The following MTA3 variants were observed in gnomAD, a reference collection of about 807,000 sequenced individuals.
MTA3 encodes metastasis associated 1 family member 3, also known as metastasis-associated protein MTA3.
In MTA3, 34 loss-of-function variants were observed where a neutral mutation model predicts 83.5. The observed-to-expected ratio is 0.41, with a 90% confidence interval of 0.31 to 0.54. MTA3 has a LOEUF of 0.54. Among genes scored for constraint, MTA3 ranks in the 20% least tolerant of loss-of-function variants. The pLI is 0.33. For missense variants in MTA3, 761 were observed against 726.4 expected, an observed-to-expected ratio of 1.05 and a Z score of -0.55; for synonymous variants, 303 against 252.7, an observed-to-expected ratio of 1.20 and a Z score of -1.89.
intron 3 of MTA3, among the ~76,000 whole-genome samples, chr2:42,605,017 C>A (rs1373967016): frequency 6.6e-6 from 1 of 150,686 alleles, no homozygotes; most frequent in African/African-American, 2.4e-5. Context: ...TCCGATTTCT[C>A]AATCTTTTCC....
chr2:42,518,056 G>A (rs900147778), intron 2 of MTA3, among the ~76,000 whole-genome samples: 3 of 150,956 alleles, frequency 2.0e-5, no homozygotes, highest in African/African-American at 7.3e-5. Flanking sequence ...TGTGGTGGCA[G>A]GCACCTCCCA....
Position 42,708,194 on chromosome 2 carries a change from G to T in MTA3, c.1302+140G>T, listed in dbSNP as rs1666265268. On this transcript the variant is annotated intron_variant, in intron 13 of 16. Coordinates refer to ENST00000405094, the MANE Select transcript of MTA3 (RefSeq NM_001330442.2). ...GCTAAACGTAGCACTACAATATTCA[G>T]GGTAGGTGTGGAGAGAAGCAGAGAG... 4.7e-6 allele frequency: 4 copies of T among 853,128 alleles called. No homozygotes were observed. The East Asian group carries it at 1.2e-4, about 25-fold the overall frequency. 52.8% of individuals were successfully genotyped at this position (853,128 alleles called of 1,614,324 possible).
At chr2:42,525,959 C>G (rs960223239) in intron 2 of MTA3, among the ~76,000 whole-genome samples, 1 of 151,836 alleles carries the variant, frequency 6.6e-6, no homozygotes, top group African/African-American at 2.4e-5. Flanking sequence ...CGCGCCTGCC[C>G]TAGCACTTCA....
chr2:42,631,926 G>T (rs1207522642), intron 4 of MTA3, among the ~76,000 whole-genome samples: 1 of 151,984 alleles, frequency 6.6e-6, no homozygotes, highest in Admixed American at 6.6e-5. Flanking sequence ...CTGACCTCAG[G>T]TGACCCACCC....
At chr2:42,513,550 G>C (rs753688099) in intron 2 of MTA3, among the ~76,000 whole-genome samples, 1 of 152,158 alleles carries the variant, frequency 6.6e-6, no homozygotes, top group Non-Finnish European at 1.5e-5. Context: ...TAAACCTAGC[G>C]AGAGACCCAG....
intron 2 of MTA3, among the ~76,000 whole-genome samples, chr2:42,552,817 G>T (rs1677178740): frequency 6.6e-6 from 1 of 151,986 alleles, no homozygotes; most frequent in Non-Finnish European, 1.5e-5. Context: ...AGGTGTGGCG[G>T]CACATGCCTG....
At chr2:42,609,960 C>T (rs765170124) in intron 4 of MTA3, among the ~76,000 whole-genome samples, 2 of 152,038 alleles carry the variant, frequency 1.3e-5, no homozygotes, top group Admixed American at 6.6e-5. Flanking sequence ...ATTAGCTGGG[C>T]GTGGTGGTAT....
At chr2:42,518,138 A>G (rs537657645) in intron 2 of MTA3, among the ~76,000 whole-genome samples, 26 of 151,526 alleles carry the variant, frequency 1.7e-4, no homozygotes, top group South Asian at 4.2e-4. Flanking sequence ...CCGAGATCGC[A>G]CCATTGCACT....
intron 16 of MTA3, among the ~76,000 whole-genome samples, chr2:42,730,302 G>C (rs777887641): frequency 6.6e-6 from 1 of 152,058 alleles, no homozygotes; most frequent in Non-Finnish European, 1.5e-5. Context: ...TTAAATCTTA[G>C]AGGAAAGGCT....
chr2:42,609,323 C>T, intron 3 of MTA3, 135 bp from the exon 4 acceptor site: 1 of 975,794 alleles, frequency 1.0e-6, no homozygotes, highest in Admixed American at 2.6e-5. Context: ...TGAGCCACTG[C>T]ACCTGGCAAA....
At chr2:42,725,311 G>C (rs1667731267) in intron 16 of MTA3, among the ~76,000 whole-genome samples, 1 of 152,158 alleles carries the variant, frequency 6.6e-6, no homozygotes, top group Admixed American at 6.5e-5. Flanking sequence ...AAAGTTACCA[G>C]GCACTACAGA....
intron 13 of MTA3, among the ~76,000 whole-genome samples, chr2:42,708,537 C>T (rs902861816): frequency 6.6e-6 from 1 of 152,000 alleles, no homozygotes; most frequent in African/African-American, 2.4e-5. Context: ...TACCAGTGGG[C>T]GACTACCCTT....
chr2:42,733,124 G>C (rs929622955), intron 16 of MTA3, among the ~76,000 whole-genome samples: 2 of 152,148 alleles, frequency 1.3e-5, no homozygotes, highest in African/African-American at 4.8e-5. Flanking sequence ...CCACTCTGCT[G>C]GTACCAATGT....
At chr2:42,658,937 A>G (rs1423135259) in intron 7 of MTA3, among the ~76,000 whole-genome samples, 1 of 150,954 alleles carries the variant, frequency 6.6e-6, no homozygotes, top group Non-Finnish European at 1.5e-5. Context: ...TAGCCAAAAA[A>G]AAAAAAAAAA....
intron 3 of MTA3, among the ~76,000 whole-genome samples, chr2:42,594,751 G>A (rs13004314): frequency 4.2e-3 from 86 of 20,246 alleles, no homozygotes; most frequent in South Asian, 0.014. Flanking sequence ...TTTTGAGACA[G>A]AGTCTCACTC....
chr2:42,750,035 A>C (rs1488099687), intron 16 of MTA3, among the ~76,000 whole-genome samples: 1 of 151,252 alleles, frequency 6.6e-6, no homozygotes, highest in Non-Finnish European at 1.5e-5. Flanking sequence ...CTCTGTCGCC[A>C]GGCTGGAGTG....
chr2:42,671,109 A>G (rs558259717), intron 8 of MTA3, among the ~76,000 whole-genome samples: 60 of 152,138 alleles, frequency 3.9e-4, no homozygotes, highest in African/African-American at 1.4e-3. Context: ...TGACCATGGT[A>G]TTTTGAAGAG....
chr2:42,673,567 G>T (rs1691038412), intron 8 of MTA3, among the ~76,000 whole-genome samples: 2 of 152,136 alleles, frequency 1.3e-5, no homozygotes, highest in South Asian at 4.1e-4. Flanking sequence ...TTACAGGTTG[G>T]GTTCCCTGGA....
intron 4 of MTA3, among the ~76,000 whole-genome samples, chr2:42,638,327 A>G (rs1418629692): frequency 6.6e-6 from 1 of 152,178 alleles, no homozygotes; most frequent in East Asian, 1.9e-4. Context: ...TGCTAACGGC[A>G]GCAGAGCAAT....
Sources: allele counts gnomAD v4.1 joint callset (sites outside exome capture counted in the v4.1 genomes callset), GRCh38; gene constraint gnomAD v4.1.1; transcripts MANE v1.5; gene names NCBI Gene and HGNC (gene_info 2026-07-23, HGNC 2026-07-21).